The following APC variants were observed in gnomAD, a reference collection of about 807,000 sequenced individuals.
APC encodes adenomatous polyposis coli protein.
A neutral mutation model predicts 247.0 loss-of-function variants in APC; 72 were observed. The ratio of observed to expected loss-of-function variants is 0.29; its 90% CI spans 0.24 to 0.35. APC has a LOEUF of 0.35. APC is among the 10% of genes least tolerant of loss of function. The pLI, the probability that APC is intolerant of heterozygous loss-of-function variation, is 1.00. For missense variants in APC, 3,400 were observed against 3,360.7 expected (o/e 1.01, Z -0.29); for synonymous variants, 1,254 against 1,162.5 (o/e 1.08, Z -1.60).
At chr5:112,723,506 T>G (rs529542756) in intron 1 of APC, among the ~76,000 whole-genome samples, 1 of 151,926 alleles carries the variant, frequency 6.6e-6, no homozygotes, top group Admixed American at 6.6e-5. Context: ...TGAAAACATA[T>G]ATATATGTAT....
chr5:112,842,635 G>A lies in APC; in HGVS notation c.7041G>A (p.Arg2347=), dbSNP rs1202582686. 1 of 1,613,744 alleles carries A rather than the reference G, an allele frequency of 6.2e-7. No homozygotes were observed. Among genetic ancestry groups the A allele is most frequent in the Non-Finnish European group, 8.5e-7 (1 of 1,179,858 alleles). The change falls in exon 16 of 16, where the codon AGG becomes AGA. Residue 2347 remains arginine (R), a synonymous_variant. Transcript: ENST00000257430. ...CTAACAAATTATCTCAACTTCCAAG[G>A]ACATCATCCCCTAGTACTGCTTCAA... The part of the protein sequence containing the change: ...SPPNKLSQLP[R]TSSPSTASTK...
chr5:112,716,630 A>G (rs1197914159), intron 1 of APC, among the ~76,000 whole-genome samples: 2 of 151,980 alleles, frequency 1.3e-5, no homozygotes, highest in Non-Finnish European at 2.9e-5. Flanking sequence ...ATCAGTTACT[A>G]AAAGTGTATG....
Position 112,839,761 on chromosome 5 carries a change from T to C in APC, c.4167T>C (p.Ser1389=), listed in dbSNP as rs747757364. 4 of 1,614,042 alleles carry C rather than the reference T, an allele frequency of 2.5e-6. No individual in the cohort carries two copies. Among genetic ancestry groups the C allele is most frequent in the South Asian group, 2.2e-5 (2 of 91,084 alleles). The part of the protein sequence containing the change: ...ETPLMFSRCT[S]VSSLDSFESR... ...CACTCATGTTTAGCAGATGTACTTC[T>C]GTCAGTTCACTTGATAGTTTTGAGA... is the stretch of plus-strand genomic sequence containing the variant. The change falls in exon 16 of 16, where the codon TCT becomes TCC. Residue 1389 remains serine (S), a synonymous_variant. Coordinates refer to ENST00000257430, the MANE Select transcript of APC (RefSeq NM_000038.6). This position sits in a 1 kb window ranked among gnomAD's most constrained non-coding sequence, Gnocchi z 5.0.
intron 10 of APC, among the ~76,000 whole-genome samples, chr5:112,820,056 C>A (rs1340490712): frequency 6.6e-6 from 1 of 152,090 alleles, no homozygotes; most frequent in Non-Finnish European, 1.5e-5. Flanking sequence ...TAGACCTCAG[C>A]CCCACTCCCG....
chr5:112,842,760 G>T lies in APC; in HGVS notation c.7166G>T (p.Ser2389Ile), dbSNP rs779287035. 1 of 1,614,014 alleles carries T rather than the reference G, an allele frequency of 6.2e-7. No individual in the cohort carries two copies. The highest frequency in any genetic ancestry group is 8.5e-7 in the Non-Finnish European group (1 of 1,179,884). ...CAAACAGGTTTATCCAAGAATGCCA[G>T]TAGTATTCCAAGAAGTGAGTCTGCC... ...TKQTGLSKNA[S>I]SIPRSESASK... The change falls in exon 16 of 16, where the codon AGT (serine) becomes ATT (isoleucine). Residue 2389 changes from serine to isoleucine, a missense_variant. By Grantham distance (142) the Ser-to-Ile change is moderately radical. Coordinates refer to ENST00000257430, the MANE Select transcript of APC (RefSeq NM_000038.6).
chr5:112,775,676 G>T lies in APC; in HGVS notation c.470G>T (p.Trp157Leu). The part of the protein sequence containing the change: ...DLDKEEKEKD[W>L]YYAQLQNLTK... ...GACAAAGAAGAAAAGGAAAAAGACT[G>T]GTATTACGCTCAACTTCAGAATCTC... The change falls in exon 5 of 16, where the codon TGG becomes TTG. Residue 157 changes from tryptophan (W) to leucine (L), a missense_variant. By Grantham distance (61) the Trp-to-Leu change is moderately conservative. Coordinates refer to ENST00000257430, the MANE Select transcript of APC (RefSeq NM_000038.6). The T allele has an allele frequency of 6.2e-7, 1 of 1,607,838 alleles. No individual in the cohort carries two copies. Among genetic ancestry groups the T allele is most frequent in the Non-Finnish European group, 8.5e-7 (1 of 1,177,478 alleles).
intron 2 of APC, 76 bp downstream of exon 2, chr5:112,755,101 C>T (rs1754813394): frequency 6.3e-7 from 1 of 1,592,060 alleles, no homozygotes; most frequent in Middle Eastern, 1.7e-4. Context: ...TGAGGTAAGA[C>T]ACTTTACTTA....
At chr5:112,776,354 T>A (rs954612749) in intron 5 of APC, among the ~76,000 whole-genome samples, 1 of 152,192 alleles carries the variant, frequency 6.6e-6, no homozygotes, top group Non-Finnish European at 1.5e-5. Flanking sequence ...ATATAATGAA[T>A]GTGTTGGAGT....
rs188835809 is a variant in APC at position 112,723,020 on chromosome 5, C to T, written c.165+15138C>T. 3.5e-3 allele frequency among the ~76,000 whole-genome samples: 538 copies of T among 152,200 alleles called. 1 individual carries two copies. The highest frequency in any genetic ancestry group is 5.3e-3 in the Non-Finnish European group (361 of 68,024). On this transcript the variant is annotated intron_variant, in intron 1 of 13. Transcript: ENST00000507379. ...TTCTTTGATATGGGGACAGGACCCTCTCTGGAATGAGGGTTTTTGACCCAA... is the reference window on the plus strand; with the variant it reads ...TTCTTTGATATGGGGACAGGACCCTTTCTGGAATGAGGGTTTTTGACCCAA...
rs1060503331 is a variant in APC at position 112,839,292 on chromosome 5, C to T, written c.3698C>T (p.Pro1233Leu). ...SNAKRQNQLH[P>L]SSAQSRSGQP... Reference sequence around the variant, plus strand: ...GCCAAGAGGCAGAATCAGCTCCATCCAAGTTCTGCACAGAGTAGAAGTGGT... The same window carrying T: ...GCCAAGAGGCAGAATCAGCTCCATCTAAGTTCTGCACAGAGTAGAAGTGGT... The change falls in exon 16 of 16, where the codon CCA becomes CTA. Residue 1233 changes from proline (P) to leucine (L), a missense_variant. Around this residue, in one of 9 missense-constraint regions of APC, gnomAD observed 715 missense variants for 656.6 expected, o/e 1.09. Coordinates refer to ENST00000257430, the MANE Select transcript of APC (RefSeq NM_000038.6). The surrounding 1 kb of genome is among the most constrained non-coding windows in gnomAD (Gnocchi z 5.0). The T allele has an allele frequency of 6.2e-7, 1 of 1,614,156 alleles. No individual in the cohort carries two copies. Among genetic ancestry groups the T allele is most frequent in the Non-Finnish European group, 8.5e-7 (1 of 1,180,034 alleles).
intron 9 of APC, 99 bp from the exon 10 acceptor site, chr5:112,818,867 T>C (rs1762790871): frequency 7.3e-7 from 1 of 1,369,466 alleles, no homozygotes; most frequent in Non-Finnish European, 1.0e-6. Context: ...TGTTTTGTTT[T>C]TTTAGAGTTA....
At chr5:112,811,449 TTAA>T (rs1157155340) in intron 8 of APC, among the ~76,000 whole-genome samples, 12 of 152,204 alleles carry the variant, frequency 7.9e-5, no homozygotes, top group African/African-American at 2.7e-4. Flanking sequence ...AGGTCTAGCC[TTAA>T]TAAAACGCCC....
rs878853456 is a variant in APC at position 112,840,942 on chromosome 5, C to A, written c.5348C>A (p.Thr1783Asn). 1 of 1,613,578 alleles carries A rather than the reference C, an allele frequency of 6.2e-7. No individual in the cohort carries two copies. The highest frequency in any genetic ancestry group is 8.5e-7 in the Non-Finnish European group (1 of 1,179,636). ...CCAGTAAAACCTATACCACAAAATA[C>A]TGAATATAGGACACGTGTAAGAAAA... ...TSPVKPIPQN[T>N]EYRTRVRKNA... The change falls in exon 16 of 16, where the codon ACT (threonine) becomes AAT (asparagine). Residue 1783 changes from threonine (T) to asparagine (N), a missense_variant. Physicochemically the swap from Thr to Asn is moderately conservative, Grantham distance 65 (BLOSUM62 0). This residue lies in a region of APC where 1,788 missense variants were observed against 1,649.5 expected (regional missense o/e 1.08). Transcript: ENST00000257430. The surrounding 1 kb of genome is among the most constrained non-coding windows in gnomAD (Gnocchi z 4.1).
intron 8 of APC, among the ~76,000 whole-genome samples, chr5:112,804,881 C>T (rs1761210425): frequency 6.6e-6 from 1 of 151,926 alleles, no homozygotes. Flanking sequence ...ACTTGGGAGG[C>T]CGTGTGGGAG....
chr5:112,730,191 A>G (rs1054109420), intron 1 of APC, among the ~76,000 whole-genome samples: 3 of 152,158 alleles, frequency 2.0e-5, no homozygotes, highest in Non-Finnish European at 2.9e-5. Flanking sequence ...TCTTATTTTT[A>G]CCTATTCTGA....
chr5:112,775,605 CT>C lies in APC; in HGVS notation c.423-17del, dbSNP rs35031194. 55 of 1,457,264 alleles carry C rather than the reference CT, an allele frequency of 3.8e-5. No individual in the cohort carries two copies. Among genetic ancestry groups the C allele is most frequent in the African/African-American group, 2.3e-4 (16 of 70,446 alleles). 90.3% of individuals were successfully genotyped at this position (1,457,264 alleles called of 1,614,324 possible). ...CTTTATTAGCATTGTTTAAACGTACCTTTTTTTAAAAAAAAAAAAATAGGTC... is the reference window on the plus strand; with the variant it reads ...CTTTATTAGCATTGTTTAAACGTACCTTTTTTAAAAAAAAAAAAATAGGTC... On this transcript the variant is annotated intron_variant, in intron 4 of 15. Transcript: ENST00000257430.
At chr5:112,734,537 A>G (rs768376966), upstream of APC, among the ~76,000 whole-genome samples, 9 of 152,206 alleles carry the variant, frequency 5.9e-5, no homozygotes, top group Non-Finnish European at 1.2e-4. Flanking sequence ...TGAAAGAAAA[A>G]AAAAGCTTGT....
intron 1 of APC, chr5:112,708,001 C>T: frequency 1.9e-6 from 2 of 1,048,424 alleles, no homozygotes; most frequent in Non-Finnish European, 2.5e-6. Context: ...CTCTCCATGT[C>T]TCACCCTCTC....
In APC at chr5:112,841,829, G is replaced by C. The variant is rs2149960345; in HGVS notation, c.6235G>C (p.Asp2079His). The C allele has an allele frequency of 6.2e-7, 1 of 1,613,898 alleles. No homozygotes were observed. The highest frequency in any genetic ancestry group is 1.1e-5 in the South Asian group (1 of 91,070). ...CATATTAGGTGAAGATCTGACACTTGATTTGAAAGATATACAGAGACCAGA... is the reference window on the plus strand; with the variant it reads ...CATATTAGGTGAAGATCTGACACTTCATTTGAAAGATATACAGAGACCAGA... ...GGILGEDLTL[D>H]LKDIQRPDSE... Residue 2079 changes from aspartate to histidine, a missense_variant, in exon 16 of 16, where the codon GAT becomes CAT. This residue lies in a region of APC where 1,788 missense variants were observed against 1,649.5 expected (regional missense o/e 1.08). Transcript: ENST00000257430. The surrounding 1 kb of genome is among the most constrained non-coding windows in gnomAD (Gnocchi z 4.6).
Sources: gnomAD v4.1 joint callset for allele counts (sites outside exome capture counted in the v4.1 genomes callset) on GRCh38, gnomAD v4.1.1 for gene constraint, gnomAD v4.1.1 regional missense constraint, Gnocchi (gnomAD v3.1) non-coding constraint, MANE v1.5 for transcripts, NCBI Gene and HGNC (gene_info 2026-07-23, HGNC 2026-07-21) for gene names.